Variants in KLF12 observed in about 807,000 individuals in gnomAD.
KLF12 encodes KLF transcription factor 12.
KLF12 carries 9 observed loss-of-function variants against 37.8 expected under a neutral mutation model. The observed-to-expected ratio is 0.24, with a 90% CI of 0.14 to 0.42. The LOEUF (loss-of-function observed/expected upper bound fraction) is 0.42, where lower values mean the gene tolerates loss of function less well. Among genes scored for constraint, KLF12 ranks in the 10% least tolerant of loss-of-function variants. The pLI, the probability that KLF12 is intolerant of heterozygous loss-of-function variation, is 1.00. For synonymous variants in KLF12, 208 were observed against 202.1 expected (o/e 1.03, Z -0.25); for missense variants, 411 against 516.0 (o/e 0.80, Z 1.97).
intron 3 of KLF12, among the ~76,000 whole-genome samples, chr13:73,854,311 A>C (rs1246016989): frequency 1.3e-5 from 2 of 152,204 alleles, no homozygotes; most frequent in Non-Finnish European, 1.5e-5. Flanking sequence ...ATATGCAATA[A>C]TGTTTATCAT....
intron 2 of KLF12, among the ~76,000 whole-genome samples, chr13:73,972,319 A>G (rs1279050767): frequency 6.6e-6 from 1 of 152,124 alleles, no homozygotes; most frequent in African/African-American, 2.4e-5. Context: ...TAAGTGTTCC[A>G]TTAAAGAACG....
intron 6 of KLF12, among the ~76,000 whole-genome samples, chr13:73,760,264 C>A (rs1812976278): frequency 6.6e-6 from 1 of 152,138 alleles, no homozygotes; most frequent in Non-Finnish European, 1.5e-5. Context: ...CTGGTAGTGG[C>A]AGCATCCAAT....
At chr13:74,156,961 G>T in the KLF12 span, among the ~76,000 whole-genome samples, 1 of 152,028 alleles carries the variant, frequency 6.6e-6, no homozygotes, top group Non-Finnish European at 1.5e-5. Flanking sequence ...CTTCACTTTG[G>T]AAATTTGACA....
chr13:74,218,480 C>A, the KLF12 span, among the ~76,000 whole-genome samples: 261 of 152,238 alleles, frequency 1.7e-3, 2 homozygotes, highest in African/African-American at 5.9e-3. Flanking sequence ...ATACTAACTG[C>A]CCCCGCTCCG....
At chr13:74,138,684 T>G (rs1407855309), upstream of KLF12, among the ~76,000 whole-genome samples, 6 of 152,176 alleles carry the variant, frequency 3.9e-5, no homozygotes, top group South Asian at 2.1e-4. Context: ...CCAGTCACTT[T>G]CATGCAGGCC....
At chr13:74,287,252 C>T in the KLF12 span, among the ~76,000 whole-genome samples, 3 of 151,802 alleles carry the variant, frequency 2.0e-5, no homozygotes, top group East Asian at 3.9e-4. Flanking sequence ...TGACCTCTGT[C>T]GGCAGAATCG....
intron 3 of KLF12, among the ~76,000 whole-genome samples, chr13:73,937,105 G>A (rs1043839551): frequency 3.9e-5 from 6 of 151,978 alleles, no homozygotes; most frequent in African/African-American, 7.3e-5. Flanking sequence ...CAGGAGAATC[G>A]CTTGAACCCG....
upstream of KLF12, among the ~76,000 whole-genome samples, chr13:74,138,156 A>G (rs1878613127): frequency 6.6e-6 from 1 of 152,246 alleles, no homozygotes; most frequent in South Asian, 2.1e-4. Flanking sequence ...AGAGATTGTA[A>G]GGCTTTGGAT....
At chr13:73,909,659 T>A (rs181472721) in intron 3 of KLF12, among the ~76,000 whole-genome samples, 20 of 152,306 alleles carry the variant, frequency 1.3e-4, no homozygotes, top group Admixed American at 1.3e-3. Context: ...ATAACTGTGA[T>A]ATCCAGACAG....
chr13:74,135,144 G>A (rs902678640), upstream of KLF12, among the ~76,000 whole-genome samples: 7 of 152,000 alleles, frequency 4.6e-5, no homozygotes, highest in Non-Finnish European at 8.8e-5. Context: ...CGAAGCGGGG[G>A]CGCCCCTTTT....
At chr13:73,958,778 G>T (rs947133859) in intron 2 of KLF12, among the ~76,000 whole-genome samples, 4 of 152,044 alleles carry the variant, frequency 2.6e-5, no homozygotes, top group African/African-American at 9.7e-5. Context: ...GGGAAGTTTT[G>T]AATGTCATAA....
At chr13:74,039,925 G>A (rs190985516) in intron 1 of KLF12, among the ~76,000 whole-genome samples, 89 of 152,286 alleles carry the variant, frequency 5.8e-4, no homozygotes, top group Non-Finnish European at 1.1e-3. Context: ...AGTGACTTAC[G>A]GCTGTCAATG....
In KLF12 at chr13:73,686,202, G is replaced by T. The variant is rs1873495306; in HGVS notation, c.*9288C>A. On this transcript the variant is annotated 3_prime_UTR_variant, in exon 8 of 8. Transcript: ENST00000377669. ...TTTCAGTTCACAGCTCAATTCATAG[G>T]AAAGTTGAATACAGAAAAGCAATGC... The T allele has an allele frequency of 6.6e-6, 1 of 152,546 alleles. No homozygotes were observed. The highest frequency in any genetic ancestry group is 1.5e-5 in the Non-Finnish European group (1 of 68,010). 9.4% of individuals were successfully genotyped at this position (152,546 alleles called of 1,614,324 possible).
the KLF12 span, among the ~76,000 whole-genome samples, chr13:74,162,909 G>A: frequency 6.6e-6 from 1 of 152,098 alleles, no homozygotes; most frequent in Non-Finnish European, 1.5e-5. Context: ...GAAAAAACAA[G>A]CAAAAACAAC....
chr13:73,908,413 AC>A (rs1300634806), intron 3 of KLF12, among the ~76,000 whole-genome samples: 16 of 119,346 alleles, frequency 1.3e-4, no homozygotes, highest in South Asian at 5.0e-4. Context: ...AAAAAAAAAA[AC>A]AAACAAACAA....
At chr13:73,810,069 ACT>A (rs1398506317) in intron 5 of KLF12, among the ~76,000 whole-genome samples, 4 of 152,120 alleles carry the variant, frequency 2.6e-5, no homozygotes, top group African/African-American at 9.7e-5. Flanking sequence ...ACATGGTGAA[ACT>A]CTGTCTCTAC....
chr13:73,766,822 G>T (rs546496092), intron 5 of KLF12, among the ~76,000 whole-genome samples: 1 of 152,262 alleles, frequency 6.6e-6, no homozygotes, highest in South Asian at 2.1e-4. Flanking sequence ...ATATATTAGT[G>T]AAGAAAAAGA....
chr13:74,161,604 G>A, the KLF12 span, among the ~76,000 whole-genome samples: 8 of 152,116 alleles, frequency 5.3e-5, no homozygotes, highest in African/African-American at 1.9e-4. Flanking sequence ...CATACTTCTG[G>A]CCTCCAGATG....
intron 1 of KLF12, among the ~76,000 whole-genome samples, chr13:74,006,225 G>A (rs538586349): frequency 6.6e-6 from 1 of 152,176 alleles, no homozygotes; most frequent in African/African-American, 2.4e-5. Context: ...CCTGCACCTG[G>A]AAAATTCTCC....
Sources: gnomAD v4.1 joint callset for allele counts (sites outside exome capture counted in the v4.1 genomes callset) on GRCh38, gnomAD v4.1.1 for gene constraint, MANE v1.5 for transcripts, NCBI Gene and HGNC (gene_info 2026-07-23, HGNC 2026-07-21) for gene names.